YEATS2: variants seen among roughly 807,000 people sequenced by gnomAD.
The protein encoded by YEATS2 is YEATS domain containing 2.
Under a neutral mutation model 163.2 loss-of-function variants are expected in YEATS2, and 77 were observed. That is an observed-to-expected ratio of 0.47 (90% confidence interval 0.39 to 0.57). YEATS2 has a LOEUF of 0.57. YEATS2 is among the 20% of genes least tolerant of loss of function. The probability of loss-of-function intolerance (pLI) is 0.00; values close to 1 mark genes in which losing one functional copy is unlikely to be tolerated. For synonymous variants in YEATS2, 631 were observed against 645.1 expected (o/e 0.98, Z 0.33); for missense variants, 1,549 against 1,729.8 (o/e 0.90, Z 1.85).
chr3:183,713,893 C>T (rs1205119633), intron 1 of YEATS2, among the ~76,000 whole-genome samples: 3 of 152,112 alleles, frequency 2.0e-5, no homozygotes, highest in African/African-American at 7.2e-5. Context: ...GCAACCGCTG[C>T]CTCCCGGGTT....
intron 20 of YEATS2, among the ~76,000 whole-genome samples, 153 bp downstream of exon 20, chr3:183,786,454 C>A (rs1381196503): frequency 6.6e-6 from 1 of 151,918 alleles, no homozygotes; most frequent in Admixed American, 6.6e-5. Flanking sequence ...ATAAAAGTCC[C>A]CATTTTGTAG....
intron 21 of YEATS2, among the ~76,000 whole-genome samples, chr3:183,795,801 ACTC>A (rs1474108392): frequency 1.3e-5 from 2 of 151,726 alleles, no homozygotes; most frequent in Non-Finnish European, 2.9e-5. Context: ...TCATTGTTAA[ACTC>A]CTCAAGATCC....
At position 183,772,406 on chromosome 3, in the gene YEATS2, C is replaced by G; in HGVS notation, c.2049C>G (p.Val683=). Residue 683 remains valine, a synonymous_variant, in exon 16 of 31, where the codon GTC becomes GTG. Transcript: ENST00000305135. ...QILVAKASSS[V]SKAVGPKQVV... is the part of the protein sequence containing the mutation. ...TGGTAGCCAAGGCCAGCTCTTCTGT[C>G]TCCAAAGCAGTTGGGCCAAAGCAAG... is the stretch of plus-strand genomic sequence containing the variant. 5 of 1,614,210 alleles carry G rather than the reference C, an allele frequency of 3.1e-6. No homozygotes were observed. Among genetic ancestry groups the G allele is most frequent in the Non-Finnish European group, 4.2e-6 (5 of 1,180,038 alleles).
At chr3:183,804,758 C>T (rs1051342050) in intron 27 of YEATS2, among the ~76,000 whole-genome samples, 1 of 149,610 alleles carries the variant, frequency 6.7e-6, no homozygotes, top group East Asian at 2.0e-4. Context: ...GAGGCCGAGG[C>T]GGGTGGATCA....
At chr3:183,765,161 C>T (rs1016272624) in intron 15 of YEATS2, among the ~76,000 whole-genome samples, 2 of 152,160 alleles carry the variant, frequency 1.3e-5, no homozygotes, top group Non-Finnish European at 2.9e-5. Flanking sequence ...GCCAAAATCC[C>T]TTAGTAAATC....
chr3:183,791,014 T>C lies in YEATS2; in HGVS notation c.3097+34T>C, dbSNP rs373833950. 4 of 1,599,032 alleles carry C rather than the reference T, an allele frequency of 2.5e-6. No individual in the cohort carries two copies. The African/African-American group carries it at 5.4e-5, about 21-fold the overall frequency. ...CATTGTGATATTATTTCTCTCTCTT[T>C]TCTCTCATTGGGCTGGAATATTTTT... On this transcript the variant is annotated intron_variant, in intron 21 of 30. Coordinates refer to ENST00000305135, the MANE Select transcript of YEATS2 (RefSeq NM_018023.5).
At chr3:183,786,636 A>G (rs1387117803) in intron 20 of YEATS2, among the ~76,000 whole-genome samples, 1 of 152,098 alleles carries the variant, frequency 6.6e-6, no homozygotes, top group Non-Finnish European at 1.5e-5. Context: ...GGATTTGCCT[A>G]TTTTAGACAT....
chr3:183,726,047 T>C (rs1034632914), intron 6 of YEATS2, among the ~76,000 whole-genome samples: 10 of 152,292 alleles, frequency 6.6e-5, no homozygotes, highest in East Asian at 5.8e-4. Flanking sequence ...AATACTCTTA[T>C]TATCCTGGTG....
In YEATS2 at chr3:183,762,174, G is replaced by C; in HGVS notation, c.1842G>C (p.Gln614His). 6.2e-7 allele frequency: 1 copy of C among 1,614,160 alleles called. No individual in the cohort carries two copies. Among genetic ancestry groups the C allele is most frequent in the South Asian group, 1.1e-5 (1 of 91,084 alleles). Reference protein sequence around the residue: ...TGAASQSPLPQYVTVKGGHMI... With the variant: ...TGAASQSPLPHYVTVKGGHMI... ...CTGCCAGCCAGTCACCACTCCCGCA[G>C]TATGTGACTGTGAAAGGGGGTCACA... Residue 614 changes from glutamine (Q) to histidine (H), a missense_variant, in exon 15 of 31, where the codon CAG becomes CAC. Gln to His is a conservative substitution (Grantham distance 24). Coordinates refer to ENST00000305135, the MANE Select transcript of YEATS2 (RefSeq NM_018023.5).
At chr3:183,730,123 G>A (rs1409180805) in intron 7 of YEATS2, among the ~76,000 whole-genome samples, 1 of 116,016 alleles carries the variant, frequency 8.6e-6, no homozygotes, top group Non-Finnish European at 1.6e-5. Flanking sequence ...GGAGTGCAGT[G>A]GCACGATCTT....
In YEATS2 at chr3:183,724,548, ATTTATT is replaced by A. The variant is rs1560237058; in HGVS notation, c.650+25_650+30del. 1.3e-6 allele frequency: 2 copies of A among 1,542,380 alleles called. No individual in the cohort carries two copies. Among genetic ancestry groups the A allele is most frequent in the Non-Finnish European group, 8.9e-7 (1 of 1,121,086 alleles). Reference sequence around the variant, plus strand: ...TGTGTCCAAGTGAGTATCCAGTTGAATTTATTTTTATTTGTCCATTTGTGTTAATAT... The same window carrying A: ...TGTGTCCAAGTGAGTATCCAGTTGAATTTATTTGTCCATTTGTGTTAATAT... On this transcript the variant is annotated intron_variant, in intron 6 of 30. Coordinates refer to ENST00000305135, the MANE Select transcript of YEATS2 (RefSeq NM_018023.5).
At chr3:183,809,065 C>T in intron 29 of YEATS2, 32 bp from the exon 30 acceptor site, 1 of 1,611,696 alleles carries the variant, frequency 6.2e-7, no homozygotes. Flanking sequence ...AGCAGATGGC[C>T]ATTTGAAGAA....
At chr3:183,770,571 A>G (rs1415735820) in intron 15 of YEATS2, among the ~76,000 whole-genome samples, 1 of 152,212 alleles carries the variant, frequency 6.6e-6, no homozygotes, top group Admixed American at 6.5e-5. Flanking sequence ...TGTTTACTTC[A>G]GATCTTTTTT....
intron 8 of YEATS2, among the ~76,000 whole-genome samples, chr3:183,745,854 C>T (rs1028627092): frequency 9.2e-5 from 14 of 152,096 alleles, no homozygotes; most frequent in Admixed American, 9.2e-4. Context: ...TGTTTTGAGA[C>T]AGGATCTCGC....
At chr3:183,760,609 G>A (rs916354714) in intron 13 of YEATS2, among the ~76,000 whole-genome samples, 6 of 151,994 alleles carry the variant, frequency 3.9e-5, no homozygotes, top group Admixed American at 6.6e-5. Flanking sequence ...GGCGTGAGCC[G>A]CTGCGCCTGG....
At chr3:183,805,185 G>A (rs1726061079) in intron 27 of YEATS2, among the ~76,000 whole-genome samples, 1 of 151,994 alleles carries the variant, frequency 6.6e-6, no homozygotes, top group Non-Finnish European at 1.5e-5. Flanking sequence ...GATCACTTGA[G>A]CCCCTAGGAG....
intron 12 of YEATS2, among the ~76,000 whole-genome samples, chr3:183,758,228 G>A (rs571010853): frequency 4.7e-4 from 72 of 152,158 alleles, no homozygotes; most frequent in African/African-American, 1.7e-3. Flanking sequence ...GTGGTAGCGC[G>A]TGCCTGTAGT....
At position 183,802,496 on chromosome 3, in the gene YEATS2, T is replaced by TG. The variant is rs1262575866; in HGVS notation, c.3503-759dup. ...AAAATCTCTCTTATATATGTGTGTG[T>TG]GTGTGTGTGTGTGTATACATGTATA... is the stretch of plus-strand genomic sequence containing the variant. On this transcript the variant is annotated intron_variant, in intron 25 of 30. Transcript: ENST00000305135. 51 of 148,944 alleles carry TG rather than the reference T, an allele frequency of 3.4e-4. 2 individuals are homozygous for TG. The highest frequency in any genetic ancestry group is 1.5e-5 in the Non-Finnish European group (1 of 67,638). 9.2% of individuals were successfully genotyped at this position (148,944 alleles called of 1,614,324 possible).
chr3:183,725,180 A>T (rs1020851474), intron 6 of YEATS2, among the ~76,000 whole-genome samples: 3 of 151,194 alleles, frequency 2.0e-5, no homozygotes, highest in African/African-American at 7.3e-5. Flanking sequence ...CTTGCCTTGC[A>T]CAGTATCCAC....
Sources: gnomAD v4.1 joint callset for allele counts (sites outside exome capture counted in the v4.1 genomes callset) on GRCh38, gnomAD v4.1.1 for gene constraint, MANE v1.5 for transcripts, NCBI Gene and HGNC (gene_info 2026-07-23, HGNC 2026-07-21) for gene names.